C2CD5: variants seen among roughly 807,000 people sequenced by gnomAD.
C2CD5 encodes C2 calcium dependent domain containing 5, also known as C2 domain-containing protein 5.
Under a neutral mutation model 130.3 loss-of-function variants are expected in C2CD5, and 109 were observed. The ratio of observed to expected loss-of-function variants is 0.84; its 90% CI spans 0.72 to 0.98. C2CD5 has a LOEUF of 0.98. C2CD5 is among the 50% of genes least tolerant of loss of function. The pLI, the probability that C2CD5 is intolerant of heterozygous loss-of-function variation, is 0.00. For missense variants in C2CD5, 996 were observed against 1,261.8 expected, an observed-to-expected ratio of 0.79 and a Z score of 3.19; for synonymous variants, 454 against 429.2, an observed-to-expected ratio of 1.06 and a Z score of -0.71.
chr12:22,539,685 T>A (rs1952159497), intron 2 of C2CD5, among the ~76,000 whole-genome samples: 1 of 152,156 alleles, frequency 6.6e-6, no homozygotes, highest in Non-Finnish European at 1.5e-5. Flanking sequence ...CACTAGATAA[T>A]CACATGGGTA....
intron 4 of C2CD5, among the ~76,000 whole-genome samples, chr12:22,526,676 G>A (rs921377417): frequency 1.3e-5 from 2 of 152,096 alleles, no homozygotes; most frequent in African/African-American, 4.8e-5. Context: ...TTTGAGACCA[G>A]CCTGGGCAAC....
intron 10 of C2CD5, chr12:22,502,825 T>A: frequency 6.9e-7 from 1 of 1,453,552 alleles, no homozygotes; most frequent in Middle Eastern, 1.7e-4. Context: ...AACAGCAAAT[T>A]AGTAGATCAG....
At chr12:22,488,435 CTT>C (rs1056736469) in intron 12 of C2CD5, among the ~76,000 whole-genome samples, 4 of 143,576 alleles carry the variant, frequency 2.8e-5, no homozygotes, top group South Asian at 2.2e-4. Flanking sequence ...TTGTTTTTTT[CTT>C]TTTTTTTTTA....
intron 14 of C2CD5, among the ~76,000 whole-genome samples, chr12:22,480,709 T>C (rs931529047): frequency 1.3e-5 from 2 of 152,216 alleles, no homozygotes; most frequent in Non-Finnish European, 2.9e-5. Context: ...GCACAAATTA[T>C]ACATTTATGT....
intron 10 of C2CD5, among the ~76,000 whole-genome samples, chr12:22,494,570 T>C (rs1242699667): frequency 6.6e-6 from 1 of 151,982 alleles, no homozygotes; most frequent in Non-Finnish European, 1.5e-5. Flanking sequence ...AATAAGGAGA[T>C]AAAAGCCAGA....
chr12:22,488,538 C>A (rs1443892969), intron 12 of C2CD5, among the ~76,000 whole-genome samples: 1 of 151,584 alleles, frequency 6.6e-6, no homozygotes, highest in Non-Finnish European at 1.5e-5. Context: ...AACCAAGCTA[C>A]ATGAAAAAGG....
At chr12:22,509,619 T>G (rs1948963449) in intron 9 of C2CD5, among the ~76,000 whole-genome samples, 1 of 152,250 alleles carries the variant, frequency 6.6e-6, no homozygotes, top group Non-Finnish European at 1.5e-5. Flanking sequence ...TGAGAAGAGC[T>G]ACTGCTGAAA....
At chr12:22,471,716 T>A (rs1159206656) in intron 19 of C2CD5, among the ~76,000 whole-genome samples, 1 of 152,010 alleles carries the variant, frequency 6.6e-6, no homozygotes, top group Non-Finnish European at 1.5e-5. Flanking sequence ...TAAGTTTTTT[T>A]AAATATACAC....
At chr12:22,451,771 G>C (rs528623677) in intron 26 of C2CD5, among the ~76,000 whole-genome samples, 1 of 152,148 alleles carries the variant, frequency 6.6e-6, no homozygotes, top group African/African-American at 2.4e-5. Context: ...GAGAGGTGAG[G>C]GGGGCAACAG....
At chr12:22,495,680 T>C (rs888093552) in intron 10 of C2CD5, among the ~76,000 whole-genome samples, 2 of 152,160 alleles carry the variant, frequency 1.3e-5, no homozygotes, top group African/African-American at 2.4e-5. Context: ...GATGCCATTA[T>C]TGTATTTAAT....
At chr12:22,513,739 A>G (rs1056893499) in intron 8 of C2CD5, among the ~76,000 whole-genome samples, 3 of 152,150 alleles carry the variant, frequency 2.0e-5, no homozygotes, top group African/African-American at 7.2e-5. Context: ...ATTTAAGAAT[A>G]CTAACAAATG....
At chr12:22,529,747 G>C (rs7303512) in intron 3 of C2CD5, among the ~76,000 whole-genome samples, 18 of 151,912 alleles carry the variant, frequency 1.2e-4, no homozygotes, top group African/African-American at 4.4e-4. Flanking sequence ...AATCATTACA[G>C]AGAGCTTGGT....
chr12:22,450,497 C>G (rs1028582873), intron 26 of C2CD5, among the ~76,000 whole-genome samples: 15 of 151,908 alleles, frequency 9.9e-5, no homozygotes, highest in African/African-American at 3.4e-4. Context: ...GAAAAATGAC[C>G]TAAAGCTCAA....
chr12:22,461,247 T>A (rs915900106), intron 22 of C2CD5, among the ~76,000 whole-genome samples: 1 of 152,188 alleles, frequency 6.6e-6, no homozygotes, highest in Non-Finnish European at 1.5e-5. Context: ...GGCTCTCATA[T>A]GTCTTGTGCA....
At chr12:22,505,800 A>C (rs12823976) in intron 10 of C2CD5, among the ~76,000 whole-genome samples, 11,432 of 152,204 alleles carry the variant, frequency 0.075, 626 homozygotes, top group Non-Finnish European at 0.11. Context: ...TACTATTCTT[A>C]CTCGTTTGCT....
chr12:22,469,338 C>A (rs1407643361), intron 22 of C2CD5, among the ~76,000 whole-genome samples: 3 of 151,752 alleles, frequency 2.0e-5, no homozygotes, highest in Non-Finnish European at 4.4e-5. Context: ...GCATGAAAAT[C>A]CAAAACTTTT....
At chr12:22,498,373 T>A (rs1018566860) in intron 10 of C2CD5, among the ~76,000 whole-genome samples, 1 of 152,120 alleles carries the variant, frequency 6.6e-6, no homozygotes, top group Non-Finnish European at 1.5e-5. Context: ...AAAACGTGAC[T>A]GAATTGAAAC....
intron 7 of C2CD5, 117 bp downstream of exon 7, chr12:22,523,308 TA>T (rs1172666898): frequency 1.7e-5 from 12 of 711,258 alleles, no homozygotes; most frequent in Non-Finnish European, 2.5e-5. Context: ...TCATCACCAA[TA>T]AAAATCATCA....
chr12:22,462,630 A>G (rs947756972), intron 22 of C2CD5, among the ~76,000 whole-genome samples: 1 of 152,198 alleles, frequency 6.6e-6, no homozygotes, highest in African/African-American at 2.4e-5. Flanking sequence ...TCCTCCCTCA[A>G]ACAGACATTC....
Sources: allele counts gnomAD v4.1 joint callset (sites outside exome capture counted in the v4.1 genomes callset), GRCh38; gene constraint gnomAD v4.1.1; transcripts MANE v1.5; gene names NCBI Gene and HGNC (gene_info 2026-07-23, HGNC 2026-07-21).